CORIN: variants seen among roughly 807,000 people sequenced by gnomAD.
The protein encoded by CORIN is corin, serine peptidase, also known as atrial natriuretic peptide-converting enzyme.
CORIN carries 117 observed loss-of-function variants against 125.3 expected under a neutral mutation model. The ratio of observed to expected loss-of-function variants is 0.93; its 90% CI spans 0.80 to 1.09. CORIN has a LOEUF of 1.09. CORIN is among the 50% of genes least tolerant of loss of function. The pLI, the probability that CORIN is intolerant of heterozygous loss-of-function variation, is 0.00. For missense variants in CORIN, 1,253 were observed against 1,306.7 expected, an observed-to-expected ratio of 0.96 and a Z score of 0.63; for synonymous variants, 450 against 466.4, an observed-to-expected ratio of 0.96 and a Z score of 0.45.
At chr4:47,745,999 G>A (rs1728646433) in intron 4 of CORIN, among the ~76,000 whole-genome samples, 2 of 152,170 alleles carry the variant, frequency 1.3e-5, no homozygotes, top group Admixed American at 6.5e-5. Flanking sequence ...TGAGGATGTT[G>A]AAGAAGAGGT....
intron 13 of CORIN, among the ~76,000 whole-genome samples, chr4:47,645,907 C>A (rs1006644144): frequency 6.6e-6 from 1 of 151,968 alleles, no homozygotes; most frequent in African/African-American, 2.4e-5. Context: ...TAATTAATAA[C>A]TGAATCAGGA....
intron 5 of CORIN, among the ~76,000 whole-genome samples, chr4:47,705,849 C>A (rs1022041925): frequency 6.6e-6 from 1 of 151,952 alleles, no homozygotes; most frequent in African/African-American, 2.4e-5. Flanking sequence ...AAGTGCCCCC[C>A]GTGTGTAACA....
intron 16 of CORIN, among the ~76,000 whole-genome samples, chr4:47,627,521 T>C (rs1430392666): frequency 6.6e-6 from 1 of 152,224 alleles, no homozygotes; most frequent in East Asian, 1.9e-4. Flanking sequence ...GCTTAAGATA[T>C]AAATTTATTT....
intron 12 of CORIN, 47 bp from the exon 13 acceptor site, chr4:47,653,707 T>G: frequency 6.8e-7 from 1 of 1,480,072 alleles, no homozygotes; most frequent in South Asian, 1.1e-5. Context: ...CCCAGAAACA[T>G]CAGCTAATTT....
intron 16 of CORIN, among the ~76,000 whole-genome samples, chr4:47,627,669 G>A (rs763645227): frequency 1.2e-4 from 19 of 152,182 alleles, no homozygotes; most frequent in Non-Finnish European, 2.4e-4. Context: ...GGCAAAGTGA[G>A]ATGGAAAGTA....
intron 5 of CORIN, among the ~76,000 whole-genome samples, chr4:47,703,241 C>A (rs1726391803): frequency 6.6e-6 from 1 of 152,178 alleles, no homozygotes. Context: ...AGCTCCCATG[C>A]AGCAGCCGGT....
chr4:47,665,018 T>A lies in CORIN; in HGVS notation c.1589+14A>T, dbSNP rs563033815. ...AGGCAAAATAAGGGACTGGGGTAGA[T>A]CCCATCATATTACCTGCAAGGAGGG... On this transcript the variant is annotated intron_variant, in intron 11 of 21. Transcript: ENST00000273857. 5 of 1,554,572 alleles carry A rather than the reference T, an allele frequency of 3.2e-6. No individual in the cohort carries two copies. In the South Asian group the frequency reaches 4.4e-5, roughly 14 times the overall value.
At chr4:47,692,526 T>C (rs1725815047) in intron 6 of CORIN, among the ~76,000 whole-genome samples, 1 of 152,074 alleles carries the variant, frequency 6.6e-6, no homozygotes, top group Non-Finnish European at 1.5e-5. Flanking sequence ...GTTAGTGCCA[T>C]TGACTATCTC....
intron 5 of CORIN, among the ~76,000 whole-genome samples, chr4:47,736,903 C>T (rs901577115): frequency 2.0e-5 from 3 of 152,138 alleles, no homozygotes; most frequent in Non-Finnish European, 2.9e-5. Flanking sequence ...TACTAAGGGG[C>T]CAGGTGAGCA....
At chr4:47,716,975 C>T (rs1727121113) in intron 5 of CORIN, among the ~76,000 whole-genome samples, 1 of 151,936 alleles carries the variant, frequency 6.6e-6, no homozygotes, top group Non-Finnish European at 1.5e-5. Context: ...TTAGTTGTAA[C>T]TAATGTTACA....
intron 1 of CORIN, among the ~76,000 whole-genome samples, chr4:47,828,407 A>G (rs1421523198): frequency 6.6e-6 from 1 of 152,184 alleles, no homozygotes; most frequent in Non-Finnish European, 1.5e-5. Flanking sequence ...TAGACATTGA[A>G]TTAATAACCA....
chr4:47,597,365 A>AG (rs544523562), intron 21 of CORIN, among the ~76,000 whole-genome samples: 1,553 of 151,754 alleles, frequency 0.01, 21 homozygotes, highest in Admixed American at 0.038. Flanking sequence ...AAAAAAAAAA[A>AG]AAGAAGAAGA....
intron 6 of CORIN, among the ~76,000 whole-genome samples, chr4:47,686,778 G>A (rs1170667165): frequency 6.6e-6 from 1 of 152,118 alleles, no homozygotes; most frequent in East Asian, 1.9e-4. Context: ...CCAGAGGATG[G>A]GGGACAGTGT....
Position 47,823,536 on chromosome 4 carries a change from A to C in CORIN, c.63+14351T>G, listed in dbSNP as rs1732612695. ...AAAAATGTATTTATATTGTGTGTGC[A>C]TTCACATATGTACACATACACATAG... is the stretch of plus-strand genomic sequence containing the variant. On this transcript the variant is annotated intron_variant, in intron 1 of 21. Coordinates refer to ENST00000273857, the MANE Select transcript of CORIN (RefSeq NM_006587.4). 2.6e-5 allele frequency among the ~76,000 whole-genome samples: 4 copies of C among 152,184 alleles called. No homozygotes were observed. In the South Asian group the frequency reaches 8.3e-4, roughly 31 times the overall value.
Position 47,653,680 on chromosome 4 carries a change from T to G in CORIN, c.1736-20A>C, listed in dbSNP as rs200498728. Reference sequence around the variant, plus strand: ...AGCATTCTATTAAAAACAATATTACTGTTAAAGGGCTGAAAACCCAGAAAC... The same window carrying G: ...AGCATTCTATTAAAAACAATATTACGGTTAAAGGGCTGAAAACCCAGAAAC... On this transcript the variant is annotated intron_variant, in intron 12 of 21. Coordinates refer to ENST00000273857, the MANE Select transcript of CORIN (RefSeq NM_006587.4). 6.3e-7 allele frequency: 1 copy of G among 1,593,400 alleles called. No individual in the cohort carries two copies. The highest frequency in any genetic ancestry group is 1.3e-5 in the African/African-American group (1 of 74,630).
At chr4:47,618,819 CAA>C (rs34913715) in intron 19 of CORIN, among the ~76,000 whole-genome samples, 27 of 128,228 alleles carry the variant, frequency 2.1e-4, no homozygotes, top group Admixed American at 2.3e-4. Context: ...CTCTGTCTCA[CAA>C]AAAAAAAAAA....
chr4:47,751,527 G>A (rs1021931669), intron 4 of CORIN, among the ~76,000 whole-genome samples: 3 of 152,140 alleles, frequency 2.0e-5, no homozygotes, highest in African/African-American at 7.2e-5. Flanking sequence ...AGATCTGGCT[G>A]TTACTTCATC....
intron 5 of CORIN, among the ~76,000 whole-genome samples, chr4:47,712,313 T>C (rs1012283349): frequency 6.6e-6 from 1 of 152,218 alleles, no homozygotes; most frequent in Non-Finnish European, 1.5e-5. Context: ...GACAGGATCA[T>C]GCTCTGTAGC....
intron 19 of CORIN, among the ~76,000 whole-genome samples, chr4:47,613,136 T>C (rs919366839): frequency 1.3e-5 from 2 of 152,098 alleles, no homozygotes; most frequent in African/African-American, 4.8e-5. Flanking sequence ...GAAGAATCAG[T>C]TGAACAGTAA....
Sources: allele counts gnomAD v4.1 joint callset (sites outside exome capture counted in the v4.1 genomes callset), GRCh38; gene constraint gnomAD v4.1.1; transcripts MANE v1.5; gene names NCBI Gene and HGNC (gene_info 2026-07-23, HGNC 2026-07-21).